The following UBE2G1 variants were observed in gnomAD, a reference collection of about 807,000 sequenced individuals.
UBE2G1 encodes ubiquitin conjugating enzyme E2 G1, also known as ubiquitin-conjugating enzyme E2 G1.
In UBE2G1, 5 loss-of-function variants were observed where a neutral mutation model predicts 22.7. That is an observed-to-expected ratio of 0.22 (90% CI 0.12 to 0.46). The LOEUF (loss-of-function observed/expected upper bound fraction) is 0.46. UBE2G1 is among the 20% of genes least tolerant of loss of function. UBE2G1 has a pLI of 0.99. For missense variants in UBE2G1, 88 were observed against 203.9 expected (o/e 0.43, Z 3.46); for synonymous variants, 74 against 67.5 (o/e 1.10, Z -0.47).
chr17:4,301,071 A>G (rs1269709595), intron 2 of UBE2G1, among the ~76,000 whole-genome samples: 1 of 152,190 alleles, frequency 6.6e-6, no homozygotes, highest in Non-Finnish European at 1.5e-5. Context: ...AAATCTTACA[A>G]GGATCAAATC....
chr17:4,362,208 A>C (rs947175751), intron 1 of UBE2G1, among the ~76,000 whole-genome samples: 1 of 152,224 alleles, frequency 6.6e-6, no homozygotes, highest in Non-Finnish European at 1.5e-5. Context: ...AGTAAGTCAT[A>C]GTCTAATAAT....
At chr17:4,313,731 A>G (rs1035898746) in intron 1 of UBE2G1, among the ~76,000 whole-genome samples, 1 of 152,190 alleles carries the variant, frequency 6.6e-6, no homozygotes, top group Non-Finnish European at 1.5e-5. Flanking sequence ...GCCGTCCGTA[A>G]TATGTGCGTA....
chr17:4,274,787 T>C (rs1968802570), intron 5 of UBE2G1, among the ~76,000 whole-genome samples: 6 of 152,118 alleles, frequency 3.9e-5, no homozygotes, highest in Admixed American at 3.9e-4. Flanking sequence ...GCACAGTGGC[T>C]CCTGCCTGTA....
At chr17:4,351,268 A>T (rs1441369576) in intron 1 of UBE2G1, among the ~76,000 whole-genome samples, 1 of 152,142 alleles carries the variant, frequency 6.6e-6, no homozygotes, top group Non-Finnish European at 1.5e-5. Context: ...TCTTCTGTGT[A>T]TCTGAAACTC....
chr17:4,318,683 T>G (rs556732928), intron 1 of UBE2G1, among the ~76,000 whole-genome samples: 3 of 152,214 alleles, frequency 2.0e-5, no homozygotes, highest in Non-Finnish European at 2.9e-5. Context: ...CACATCCCAG[T>G]TGGTCCCTAA....
rs1159890795 is a variant in UBE2G1 at position 4,289,320 on chromosome 17, G to C, written c.336C>G (p.Leu112=). The C allele has an allele frequency of 1.9e-6, 3 of 1,596,728 alleles. No individual in the cohort carries two copies. The highest frequency in any genetic ancestry group is 2.6e-6 in the Non-Finnish European group (3 of 1,171,638). ...TGATGGTTTCCACAGTGTGGATAGGGAGCCAGCGTTCCTCTGGCTTTTCAT... is the reference window on the plus strand; with the variant it reads ...TGATGGTTTCCACAGTGTGGATAGGCAGCCAGCGTTCCTCTGGCTTTTCAT... The part of the protein sequence containing the change: ...YGYEKPEERW[L]PIHTVETIMI... Residue 112 remains leucine, a synonymous_variant, in exon 4 of 6, where the codon CTC becomes CTG. Coordinates refer to ENST00000396981, the MANE Select transcript of UBE2G1 (RefSeq NM_003342.5).
intron 1 of UBE2G1, among the ~76,000 whole-genome samples, chr17:4,313,672 T>C (rs1053217209): frequency 6.6e-6 from 1 of 152,180 alleles, no homozygotes; most frequent in Non-Finnish European, 1.5e-5. Flanking sequence ...GTGAGAGTAG[T>C]ATCTGGGAAG....
intron 1 of UBE2G1, among the ~76,000 whole-genome samples, chr17:4,349,334 T>C (rs1226720584): frequency 2.0e-5 from 3 of 152,132 alleles, no homozygotes; most frequent in Non-Finnish European, 4.4e-5. Flanking sequence ...TATATGTTTT[T>C]CTTTAAGGAT....
chr17:4,363,801 A>C (rs1306125171), intron 1 of UBE2G1, among the ~76,000 whole-genome samples: 1 of 151,534 alleles, frequency 6.6e-6, no homozygotes, highest in Non-Finnish European at 1.5e-5. Context: ...AAATACAAAA[A>C]ATTAGCCGGG....
chr17:4,299,990 C>A (rs1459505196), intron 2 of UBE2G1, among the ~76,000 whole-genome samples: 1 of 151,830 alleles, frequency 6.6e-6, no homozygotes, highest in Non-Finnish European at 1.5e-5. Flanking sequence ...CCACGTCCCG[C>A]TAATTTTTGT....
intron 1 of UBE2G1, among the ~76,000 whole-genome samples, chr17:4,319,321 C>T (rs1249353025): frequency 1.3e-5 from 2 of 152,078 alleles, no homozygotes; most frequent in African/African-American, 4.8e-5. Flanking sequence ...AAAACAAGTC[C>T]AGTATAGGTG....
At chr17:4,353,411 C>T (rs2143820442) in intron 1 of UBE2G1, among the ~76,000 whole-genome samples, 1 of 151,008 alleles carries the variant, frequency 6.6e-6, no homozygotes, top group African/African-American at 2.4e-5. Flanking sequence ...AAACTAGTGT[C>T]GATCAACGAA....
intron 1 of UBE2G1, among the ~76,000 whole-genome samples, chr17:4,337,391 G>A (rs1969661439): frequency 6.6e-6 from 1 of 151,438 alleles, no homozygotes; most frequent in South Asian, 2.1e-4. Flanking sequence ...AGTGGCTCAC[G>A]CCTGTAATCC....
intron 1 of UBE2G1, among the ~76,000 whole-genome samples, chr17:4,354,627 T>C (rs989669465): frequency 2.0e-5 from 3 of 152,106 alleles, no homozygotes; most frequent in African/African-American, 4.8e-5. Context: ...GAGGGTTAGA[T>C]TGGAGAAATT....
intron 5 of UBE2G1, among the ~76,000 whole-genome samples, 164 bp downstream of exon 5, chr17:4,282,634 G>C (rs906757519): frequency 6.6e-6 from 1 of 152,112 alleles, no homozygotes; most frequent in Admixed American, 6.5e-5. Flanking sequence ...TAGGAGAAAA[G>C]CAAGCAGATT....
chr17:4,270,026 TG>T lies in UBE2G1; in HGVS notation c.*2527del, dbSNP rs1968734479. 6.6e-6 allele frequency: 1 copy of T among 152,438 alleles called. No individual in the cohort carries two copies. The highest frequency in any genetic ancestry group is 1.9e-4 in the East Asian group (1 of 5,186). 9.4% of individuals were successfully genotyped at this position (152,438 alleles called of 1,614,324 possible). The stretch of plus-strand genomic sequence containing the variant: ...ACATCTCCGACAGAGGAAGGGAAGT[TG>T]TAACATCTATGTAGGCCTGTTTCAG... On this transcript the variant is annotated 3_prime_UTR_variant, in exon 6 of 6. Coordinates refer to ENST00000396981, the MANE Select transcript of UBE2G1 (RefSeq NM_003342.5).
At chr17:4,304,014 T>TA (rs1969220564) in intron 2 of UBE2G1, among the ~76,000 whole-genome samples, 1 of 152,194 alleles carries the variant, frequency 6.6e-6, no homozygotes, top group South Asian at 2.1e-4. Flanking sequence ...CCAGGTTTCT[T>TA]AGACTTTCTG....
chr17:4,340,481 G>A (rs935081474), intron 1 of UBE2G1, among the ~76,000 whole-genome samples: 4 of 152,076 alleles, frequency 2.6e-5, no homozygotes, highest in Non-Finnish European at 4.4e-5. Context: ...GACCTCATGG[G>A]CTGTGATTAG....
At chr17:4,283,956 G>C (rs557175392) in intron 4 of UBE2G1, among the ~76,000 whole-genome samples, 1 of 152,114 alleles carries the variant, frequency 6.6e-6, no homozygotes, top group East Asian at 1.9e-4. Context: ...AGGACTTCAA[G>C]ACCAGCCTGG....
Sources: gnomAD v4.1 joint callset for allele counts (sites outside exome capture counted in the v4.1 genomes callset) on GRCh38, gnomAD v4.1.1 for gene constraint, MANE v1.5 for transcripts, NCBI Gene and HGNC (gene_info 2026-07-23, HGNC 2026-07-21) for gene names.